GRM5: variants seen among roughly 807,000 people sequenced by gnomAD.
GRM5 encodes the protein metabotropic glutamate receptor 5.
Under a neutral mutation model 83.1 loss-of-function variants are expected in GRM5, and 19 were observed. The ratio of observed to expected loss-of-function variants is 0.23; its 90% CI spans 0.16 to 0.34. The LOEUF (loss-of-function observed/expected upper bound fraction) is 0.34. GRM5 is among the 10% of genes least tolerant of loss of function. GRM5 has a pLI of 1.00. For missense variants in GRM5, 1,160 were observed against 1,588.3 expected (o/e 0.73, Z 4.58); for synonymous variants, 675 against 633.6 (o/e 1.07, Z -0.98).
intron 2 of GRM5, chr11:88,984,942 T>A: frequency 1.7e-6 from 1 of 590,490 alleles, no homozygotes; most frequent in African/African-American, 1.9e-5. Flanking sequence ...TTTAATAATT[T>A]GACTCACTTT....
chr11:88,971,716 T>C (rs1437667128), intron 2 of GRM5, among the ~76,000 whole-genome samples: 1 of 152,166 alleles, frequency 6.6e-6, no homozygotes, highest in Non-Finnish European at 1.5e-5. Context: ...CATATCTTTT[T>C]CACTGTGAAT....
At chr11:88,578,653 C>T (rs1014779699) in intron 7 of GRM5, among the ~76,000 whole-genome samples, 1 of 152,028 alleles carries the variant, frequency 6.6e-6, no homozygotes, top group Non-Finnish European at 1.5e-5. Context: ...GTGGCGTTTA[C>T]AAGTTTAAAT....
intron 9 of GRM5, chr11:88,523,929 G>A (rs1327166193): frequency 6.6e-6 from 1 of 152,294 alleles, no homozygotes; most frequent in South Asian, 2.1e-4. Flanking sequence ...TAGGTCTCAA[G>A]CTCTGCTCTC....
At chr11:88,823,605 T>C (rs1943840403) in intron 3 of GRM5, among the ~76,000 whole-genome samples, 1 of 152,026 alleles carries the variant, frequency 6.6e-6, no homozygotes, top group South Asian at 2.1e-4. Context: ...TACTACTGAC[T>C]AGGATGCTCT....
chr11:88,614,608 G>T (rs778419473), intron 4 of GRM5, among the ~76,000 whole-genome samples: 19 of 152,144 alleles, frequency 1.2e-4, no homozygotes, highest in Non-Finnish European at 2.5e-4. Flanking sequence ...ATCACAGTGT[G>T]TAGGGCATGC....
chr11:88,929,956 G>C (rs1158813428), intron 2 of GRM5, among the ~76,000 whole-genome samples: 1 of 152,082 alleles, frequency 6.6e-6, no homozygotes, highest in African/African-American at 2.4e-5. Flanking sequence ...GATCAGACTG[G>C]TGTTTCAAAG....
chr11:88,838,000 T>C (rs1397262774), intron 3 of GRM5, among the ~76,000 whole-genome samples: 1 of 140,522 alleles, frequency 7.1e-6, no homozygotes, highest in Non-Finnish European at 1.5e-5. Context: ...CAGGAGAATG[T>C]CGTGAACCCG....
At chr11:88,724,316 G>A (rs1708377686) in intron 3 of GRM5, among the ~76,000 whole-genome samples, 2 of 152,054 alleles carry the variant, frequency 1.3e-5, no homozygotes, top group African/African-American at 4.8e-5. Context: ...CCTCTGCACT[G>A]ACCTTTTCTC....
intron 3 of GRM5, among the ~76,000 whole-genome samples, chr11:88,782,790 C>T (rs566210592): frequency 2.2e-4 from 34 of 152,138 alleles, no homozygotes; most frequent in African/African-American, 5.3e-4. Flanking sequence ...CCAAAGCTGA[C>T]GGGTTGTTGT....
chr11:88,994,953 C>A (rs943270201), intron 2 of GRM5, among the ~76,000 whole-genome samples: 2 of 152,036 alleles, frequency 1.3e-5, no homozygotes, highest in African/African-American at 4.8e-5. Context: ...ATAACCATAA[C>A]TAAAATGAAA....
intron 4 of GRM5, 77 bp downstream of exon 4, chr11:88,653,091 A>G (rs1939674885): frequency 1.2e-6 from 1 of 865,712 alleles, no homozygotes; most frequent in Non-Finnish European, 1.9e-6. Context: ...TATTACAGCC[A>G]CTATCCCCAT....
chr11:89,009,154 G>C, intron 2 of GRM5: 1 of 695,274 alleles, frequency 1.4e-6, no homozygotes, highest in East Asian at 2.7e-5. Flanking sequence ...GGTTTTATAA[G>C]TTAATTTTAA....
intron 3 of GRM5, among the ~76,000 whole-genome samples, chr11:88,726,107 T>G (rs1941673497): frequency 6.6e-6 from 1 of 152,122 alleles, no homozygotes; most frequent in Non-Finnish European, 1.5e-5. Context: ...AAGGAGCATG[T>G]TCTAACCCAA....
chr11:88,575,039 G>C lies in GRM5; in HGVS notation c.1691-7047C>G, dbSNP rs11020491. ...AAAAAAAAAATAGAAAAGTTCCCAA[G>C]TTTTCTTCAAGGAAGGCATATTCTA... On this transcript the variant is annotated intron_variant, in intron 7 of 9. Transcript: ENST00000305447. 7.6e-3 allele frequency among the ~76,000 whole-genome samples: 1,009 copies of C among 132,198 alleles called. 9 individuals are homozygous for C. The highest frequency in any genetic ancestry group is 0.023 in the Middle Eastern group (5 of 222). The allele number at this position is 132,198 out of a possible 152,430, so 86.7% of individuals were successfully genotyped here.
chr11:88,948,925 A>T (rs572856274), intron 2 of GRM5, among the ~76,000 whole-genome samples: 48 of 152,362 alleles, frequency 3.2e-4, no homozygotes, highest in African/African-American at 1.1e-3. Flanking sequence ...TTGTGTTCAA[A>T]AGAGGCAACA....
intron 2 of GRM5, among the ~76,000 whole-genome samples, chr11:88,991,998 A>C (rs1276444941): frequency 3.3e-5 from 5 of 152,076 alleles, no homozygotes; most frequent in Admixed American, 6.5e-5. Context: ...GCAACAAAAG[A>C]CAAAATTGAC....
intron 2 of GRM5, among the ~76,000 whole-genome samples, chr11:88,949,804 C>A (rs1219801654): frequency 6.6e-6 from 1 of 152,094 alleles, no homozygotes; most frequent in Non-Finnish European, 1.5e-5. Context: ...AATAAGAATA[C>A]AATCATTAGA....
At chr11:88,624,052 A>C (rs1193407419) in intron 4 of GRM5, among the ~76,000 whole-genome samples, 1 of 152,200 alleles carries the variant, frequency 6.6e-6, no homozygotes, top group African/African-American at 2.4e-5. Flanking sequence ...TCAACTATTG[A>C]TTTTCATAAT....
chr11:88,806,569 T>C (rs1471158492), intron 3 of GRM5, among the ~76,000 whole-genome samples: 1 of 152,190 alleles, frequency 6.6e-6, no homozygotes. Context: ...TGATCTCAAC[T>C]GTGAAAATAA....
Sources: gnomAD v4.1 joint callset for allele counts (sites outside exome capture counted in the v4.1 genomes callset) on GRCh38, gnomAD v4.1.1 for gene constraint, MANE v1.5 for transcripts, NCBI Gene and HGNC (gene_info 2026-07-23, HGNC 2026-07-21) for gene names.